LZTS1: variants seen among roughly 807,000 people sequenced by gnomAD.
LZTS1 encodes the protein leucine zipper putative tumor suppressor 1.
A neutral mutation model predicts 45.8 loss-of-function variants in LZTS1; 31 were observed. The observed-to-expected ratio is 0.68, with a 90% CI of 0.51 to 0.91. LZTS1 has a LOEUF of 0.91. Ranked by LOEUF, LZTS1 falls within the 40% of genes least tolerant of loss-of-function variation. LZTS1 has a pLI of 0.00. For synonymous variants in LZTS1, 359 were observed against 357.3 expected (o/e 1.00, Z -0.05); for missense variants, 821 against 788.9 (o/e 1.04, Z -0.49).
chr8:20,301,504 A>G (rs1801076257), intron 1 of LZTS1, among the ~76,000 whole-genome samples: 1 of 152,138 alleles, frequency 6.6e-6, no homozygotes, highest in Non-Finnish European at 1.5e-5. Context: ...TACATTATTC[A>G]TCTTCCTAGC....
Position 20,274,029 on chromosome 8 carries a change from C to G in LZTS1, c.-134-18714G>C, listed in dbSNP as rs373714391. 4.6e-5 allele frequency among the ~76,000 whole-genome samples: 7 copies of G among 152,222 alleles called. No individual in the cohort carries two copies. In the South Asian group the frequency reaches 1.5e-3, roughly 32 times the overall value. ...GTTTTCCCACGCTGCTCCCTAGGCC[C>G]AAAGCCCCTGGGACTTTGCTCAGAA... On this transcript the variant is annotated intron_variant, in intron 1 of 3. Coordinates refer to ENST00000381569, the MANE Select transcript of LZTS1 (RefSeq NM_021020.5).
chr8:20,262,112 G>A (rs1259783235), intron 1 of LZTS1, among the ~76,000 whole-genome samples: 1 of 152,118 alleles, frequency 6.6e-6, no homozygotes, highest in Admixed American at 6.5e-5. Context: ...TTCCCCCCCA[G>A]AACTTTTGCC....
Position 20,255,166 on chromosome 8 carries a change from T to C in LZTS1, c.16A>G (p.Ser6Gly). The change falls in exon 2 of 4, where the codon AGC (serine) becomes GGC (glycine). Residue 6 changes from serine (S) to glycine (G), a missense_variant. Ser to Gly is a moderately conservative substitution (Grantham distance 56). Coordinates refer to ENST00000381569, the MANE Select transcript of LZTS1 (RefSeq NM_021020.5). ...TGGAAGCTGTGGCCGGAGATGAGGC[T>C]ACTGACGCTGCCCATGGTGACTCGG... MGSVSSLISGHSFHSK... is the reference protein window; with the variant it reads MGSVSGLISGHSFHSK... 2 of 1,612,724 alleles carry C rather than the reference T, an allele frequency of 1.2e-6. No homozygotes were observed. The highest frequency in any genetic ancestry group is 1.7e-6 in the Non-Finnish European group (2 of 1,179,294).
rs1201908450 is a variant in LZTS1, at chr8:20,253,218, T to C, written c.713A>G (p.Lys238Arg). ...KALSFSDGGSKLGHSNKADKG... is the reference protein window; with the variant it reads ...KALSFSDGGSRLGHSNKADKG... Reference sequence around the variant, plus strand: ...GTCTGCCTTGTTCGAGTGGCCCAGCTTGCTACCTCCGTCGGAGAAGGACAG... The same window carrying C: ...GTCTGCCTTGTTCGAGTGGCCCAGCCTGCTACCTCCGTCGGAGAAGGACAG... Residue 238 changes from lysine to arginine, a missense_variant, in exon 3 of 4, where the codon AAG becomes AGG. By Grantham distance (26) the Lys-to-Arg change is conservative. Coordinates refer to ENST00000381569, the MANE Select transcript of LZTS1 (RefSeq NM_021020.5). The C allele has an allele frequency of 6.2e-7, 1 of 1,613,754 alleles. No homozygotes were observed. Among genetic ancestry groups the C allele is most frequent in the African/African-American group, 1.3e-5 (1 of 74,954 alleles).
chr8:20,277,886 G>C (rs1470335150), intron 1 of LZTS1, among the ~76,000 whole-genome samples: 1 of 152,192 alleles, frequency 6.6e-6, no homozygotes, highest in Non-Finnish European at 1.5e-5. Flanking sequence ...GGACTGGAGG[G>C]AAGGCTGGGA....
rs947115452 is a variant in LZTS1, at chr8:20,303,836, C to T, written c.-231G>A. The T allele has an allele frequency of 1.2e-5, 12 of 985,052 alleles. No individual in the cohort carries two copies. The highest frequency in any genetic ancestry group is 1.4e-5 in the Non-Finnish European group (12 of 829,852). The allele number at this position is 985,052 out of a possible 1,614,324, so 61.0% of individuals were successfully genotyped here. A position where few individuals can be genotyped will look rare whatever the true frequency, so the allele number is the denominator to read the frequency against. ...TCTTTTTCCAGAGCTGCTGAGCGGG[C>T]CGGGCCGGTCCCACTGCGCGGGATG... On this transcript the variant is annotated 5_prime_UTR_variant, in exon 1 of 4. Coordinates refer to ENST00000381569, the MANE Select transcript of LZTS1 (RefSeq NM_021020.5).
chr8:20,268,391 G>T (rs115192126), intron 1 of LZTS1, among the ~76,000 whole-genome samples: 1 of 151,796 alleles, frequency 6.6e-6, no homozygotes, highest in Non-Finnish European at 1.5e-5. Flanking sequence ...CCCCTTTTAT[G>T]ATGATTCTCC....
At chr8:20,262,688 T>A (rs1328315748) in intron 1 of LZTS1, among the ~76,000 whole-genome samples, 1 of 152,168 alleles carries the variant, frequency 6.6e-6, no homozygotes, top group Non-Finnish European at 1.5e-5. Context: ...TGGCAGGACC[T>A]GGAGACAAGA....
rs910745164 is a variant in LZTS1, at chr8:20,249,748, C to G, written c.1765G>C (p.Glu589Gln). 1 of 1,610,440 alleles carries G rather than the reference C, an allele frequency of 6.2e-7. No homozygotes were observed. The highest frequency in any genetic ancestry group is 8.5e-7 in the Non-Finnish European group (1 of 1,179,578). The change falls in exon 4 of 4, where the codon GAG becomes CAG. Residue 589 changes from glutamate (E) to glutamine (Q), a missense_variant. Transcript: ENST00000381569. ...CAGATCTCAGTGGCTATGATGTCCT[C>G]GTAGGGGATGTCAGCCCCTTCCAGG... ...VDLEGADIPYEDIIATEI is the reference protein window; with the variant it reads ...VDLEGADIPYQDIIATEI
chr8:20,282,209 A>G (rs2101280), intron 1 of LZTS1, among the ~76,000 whole-genome samples: 1 of 152,152 alleles, frequency 6.6e-6, no homozygotes, highest in Non-Finnish European at 1.5e-5. Context: ...ATGTGCACAC[A>G]CCATAATGAC....
intron 1 of LZTS1, among the ~76,000 whole-genome samples, chr8:20,275,156 C>T (rs1178244732): frequency 6.6e-6 from 1 of 152,162 alleles, no homozygotes; most frequent in Non-Finnish European, 1.5e-5. Context: ...AATCCCAGTA[C>T]TTTGGGAGAC....
At position 20,254,622 on chromosome 8, in the gene LZTS1, T is replaced by C. The variant is rs1585278292; in HGVS notation, c.345+215A>G. Among the ~76,000 whole-genome samples, 2 of 152,336 alleles carry C rather than the reference T, an allele frequency of 1.3e-5. 1 individual carries two copies. On this transcript the variant is annotated intron_variant, in intron 2 of 3. Coordinates refer to ENST00000381569, the MANE Select transcript of LZTS1 (RefSeq NM_021020.5). Reference sequence around the variant, plus strand: ...TGCTTATGGCCTGACCCAAGACTTCTGCTTCAGGGGGACTGAGCGATGCTC... The same window carrying C: ...TGCTTATGGCCTGACCCAAGACTTCCGCTTCAGGGGGACTGAGCGATGCTC...
chr8:20,265,217 G>T (rs1187192274), intron 1 of LZTS1, among the ~76,000 whole-genome samples: 1 of 152,162 alleles, frequency 6.6e-6, no homozygotes, highest in Non-Finnish European at 1.5e-5. Flanking sequence ...CTTAGCCATG[G>T]GAACCACGCC....
intron 1 of LZTS1, among the ~76,000 whole-genome samples, chr8:20,260,057 T>C (rs749125895): frequency 2.0e-5 from 3 of 152,078 alleles, no homozygotes; most frequent in Non-Finnish European, 4.4e-5. Context: ...ATACCATTAC[T>C]CCTGGCTAAT....
At chr8:20,250,679 A>G (rs181349091) in intron 3 of LZTS1, among the ~76,000 whole-genome samples, 1 of 152,102 alleles carries the variant, frequency 6.6e-6, no homozygotes, top group African/African-American at 2.4e-5. Context: ...ATCTTGGCTC[A>G]CTGCAACCTC....
At position 20,250,370 on chromosome 8, in the gene LZTS1, A is replaced by T; in HGVS notation, c.1150-7T>A. ...CGCCTGACTTCTGGCACACCTGCCG[A>T]GGGTGGGGTGGAGACAGAGTGCCAA... On this transcript the variant is annotated splice_polypyrimidine_tract_variant and splice_region_variant and intron_variant, in intron 3 of 3. Coordinates refer to ENST00000381569, the MANE Select transcript of LZTS1 (RefSeq NM_021020.5). 6.3e-7 allele frequency: 1 copy of T among 1,586,824 alleles called. No homozygotes were observed. The highest frequency in any genetic ancestry group is 8.6e-7 in the Non-Finnish European group (1 of 1,165,576).
intron 1 of LZTS1, among the ~76,000 whole-genome samples, chr8:20,268,782 G>A (rs1243534889): frequency 1.3e-5 from 2 of 152,234 alleles, no homozygotes; most frequent in East Asian, 1.9e-4. Flanking sequence ...CTGGTGGGTT[G>A]GGAGCAGGGG....
At chr8:20,292,707 C>T (rs1800919879) in intron 1 of LZTS1, among the ~76,000 whole-genome samples, 1 of 152,120 alleles carries the variant, frequency 6.6e-6, no homozygotes, top group Non-Finnish European at 1.5e-5. Flanking sequence ...TTGTATGCCC[C>T]CTGGGGCAAA....
At chr8:20,255,419 C>A in intron 1 of LZTS1, 104 bp from the exon 2 acceptor site, 2 of 737,006 alleles carry the variant, frequency 2.7e-6, no homozygotes, top group Non-Finnish European at 4.1e-6. Context: ...CATGTCAGAG[C>A]CCAGCACTGT....
Sources: allele counts gnomAD v4.1 joint callset (sites outside exome capture counted in the v4.1 genomes callset), GRCh38; gene constraint gnomAD v4.1.1; transcripts MANE v1.5; gene names NCBI Gene and HGNC (gene_info 2026-07-23, HGNC 2026-07-21).